The following TNIK variants were observed in gnomAD, a reference collection of about 807,000 sequenced individuals.
TNIK encodes TRAF2 and NCK-interacting protein kinase.
A neutral mutation model predicts 191.3 loss-of-function variants in TNIK; 49 were observed. That is an observed-to-expected ratio of 0.26 (90% CI 0.20 to 0.32). TNIK has a LOEUF of 0.32. Ranked by LOEUF, TNIK falls within the 10% of genes least tolerant of loss-of-function variation. The pLI, the probability that TNIK is intolerant of heterozygous loss-of-function variation, is 1.00. For missense variants in TNIK, 1,155 were observed against 1,702.3 expected, an observed-to-expected ratio of 0.68 and a Z score of 5.66; for synonymous variants, 594 against 600.9, an observed-to-expected ratio of 0.99 and a Z score of 0.17.
chr3:171,087,551 A>C lies in TNIK; in HGVS notation c.2722-45T>G, dbSNP rs188994242. On this transcript the variant is annotated intron_variant, in intron 23 of 32. Coordinates refer to ENST00000436636, the MANE Select transcript of TNIK (RefSeq NM_015028.4). ...GGGAGGAGTTAGAGAGGGGGGAAAA[A>C]GGCCACAGAGTGACATCAGCCCTCA... 5.3e-3 allele frequency: 8,384 copies of C among 1,596,814 alleles called. 41 individuals are homozygous for C. Among genetic ancestry groups the C allele is most frequent in the South Asian group, 9.8e-3 (870 of 89,184 alleles).
At chr3:171,244,610 T>C (rs1030346368) in intron 2 of TNIK, among the ~76,000 whole-genome samples, 2 of 152,076 alleles carry the variant, frequency 1.3e-5, no homozygotes, top group African/African-American at 4.8e-5. Context: ...ATACTATTTC[T>C]ACCATGGCTT....
intron 4 of TNIK, among the ~76,000 whole-genome samples, chr3:171,210,629 C>G (rs1020605404): frequency 1.3e-5 from 2 of 152,180 alleles, no homozygotes; most frequent in African/African-American, 2.4e-5. Context: ...CAGCGATAGA[C>G]AGAGAATCGC....
intron 3 of TNIK, among the ~76,000 whole-genome samples, chr3:171,225,896 A>G (rs1453034938): frequency 3.3e-5 from 5 of 152,172 alleles, no homozygotes; most frequent in Non-Finnish European, 5.9e-5. Flanking sequence ...TCCTTCCACA[A>G]CCATTAATTG....
intron 18 of TNIK, among the ~76,000 whole-genome samples, chr3:171,118,562 A>C (rs1185442433): frequency 6.6e-6 from 1 of 152,166 alleles, no homozygotes; most frequent in Admixed American, 6.5e-5. Context: ...CAGTAACCAA[A>C]ACAGCATGGT....
chr3:171,168,289 C>A (rs927628488), intron 9 of TNIK, among the ~76,000 whole-genome samples: 1 of 152,208 alleles, frequency 6.6e-6, no homozygotes, highest in Non-Finnish European at 1.5e-5. Context: ...TCGGGTCACC[C>A]TTCCTGTCCT....
chr3:171,067,586 T>G (rs553459714), intron 30 of TNIK, among the ~76,000 whole-genome samples: 81 of 149,578 alleles, frequency 5.4e-4, no homozygotes, highest in African/African-American at 2.0e-3. Context: ...AGGAGAATGG[T>G]GTGAACCCAG....
chr3:171,164,673 T>C (rs1248832934), intron 10 of TNIK, among the ~76,000 whole-genome samples: 4 of 152,340 alleles, frequency 2.6e-5, no homozygotes, highest in African/African-American at 4.8e-5. Flanking sequence ...AATGTCCTTT[T>C]GAGAGAAGTT....
rs1047874623 is a variant in TNIK at position 171,369,679 on chromosome 3, C to A, written c.64G>T (p.Ala22Ser). Reference sequence around the variant, plus strand: ...AGTTCCACCAATTCAAAGATCCCTGCGGGGTCCTGAAAGAAAATAAACAAA... The same window carrying A: ...AGTTCCACCAATTCAAAGATCCCTGAGGGGTCCTGAAAGAAAATAAACAAA... ...EIDLSALRDPAGIFELVELVG... is the reference protein window; with the variant it reads ...EIDLSALRDPSGIFELVELVG... Residue 22 changes from alanine to serine, a missense_variant, in exon 2 of 33, where the codon GCA (alanine) becomes TCA (serine). Coordinates refer to ENST00000436636, the MANE Select transcript of TNIK (RefSeq NM_015028.4). 1.3e-6 allele frequency: 2 copies of A among 1,567,756 alleles called. No individual in the cohort carries two copies. Among genetic ancestry groups the A allele is most frequent in the Non-Finnish European group, 1.7e-6 (2 of 1,155,232 alleles).
intron 22 of TNIK, 146 bp downstream of exon 22, chr3:171,101,303 T>C (rs1345381256): frequency 3.7e-6 from 3 of 820,652 alleles, no homozygotes; most frequent in Non-Finnish European, 5.6e-6. Context: ...TATAGAACTA[T>C]GCTCCAACAA....
chr3:171,210,220 A>G (rs1381809465), intron 4 of TNIK, among the ~76,000 whole-genome samples: 1 of 152,228 alleles, frequency 6.6e-6, no homozygotes, highest in African/African-American at 2.4e-5. Flanking sequence ...GTGAAAGAAA[A>G]GTAGATCAAC....
At chr3:171,309,797 G>A (rs1317752927) in intron 2 of TNIK, among the ~76,000 whole-genome samples, 1 of 152,072 alleles carries the variant, frequency 6.6e-6, no homozygotes, top group Non-Finnish European at 1.5e-5. Flanking sequence ...GCAGCTGGGT[G>A]TCTAAAAACT....
intron 2 of TNIK, among the ~76,000 whole-genome samples, chr3:171,244,651 T>C (rs1461819956): frequency 6.6e-6 from 1 of 152,000 alleles, no homozygotes; most frequent in Non-Finnish European, 1.5e-5. Context: ...AAAACTATCA[T>C]GTTTTTGAAC....
intron 1 of TNIK, among the ~76,000 whole-genome samples, chr3:171,459,780 G>A (rs1418807378): frequency 3.3e-5 from 5 of 152,022 alleles, no homozygotes; most frequent in Admixed American, 6.6e-5. Context: ...GCCCTCGGGA[G>A]AGCCTAAGCC....
At chr3:171,359,837 G>A (rs943669445) in intron 2 of TNIK, among the ~76,000 whole-genome samples, 4 of 152,166 alleles carry the variant, frequency 2.6e-5, no homozygotes, top group Non-Finnish European at 5.9e-5. Context: ...AAACCGTGAA[G>A]AGCCCTAAAT....
At chr3:171,395,202 C>T (rs1720065345) in intron 1 of TNIK, among the ~76,000 whole-genome samples, 2 of 152,174 alleles carry the variant, frequency 1.3e-5, no homozygotes, top group Non-Finnish European at 2.9e-5. Context: ...TAATCGTTAA[C>T]AGCAGATTCT....
chr3:171,315,606 G>T (rs531392820), intron 2 of TNIK, among the ~76,000 whole-genome samples: 1 of 152,148 alleles, frequency 6.6e-6, no homozygotes, highest in Non-Finnish European at 1.5e-5. Flanking sequence ...TGAAATCCAG[G>T]TGTCAAGGTG....
At chr3:171,193,356 T>C (rs1738287366) in intron 5 of TNIK, among the ~76,000 whole-genome samples, 2 of 152,214 alleles carry the variant, frequency 1.3e-5, no homozygotes, top group South Asian at 4.1e-4. Flanking sequence ...AATATACCTA[T>C]AGGAATTTTA....
At chr3:171,236,963 A>G (rs1744347535) in intron 2 of TNIK, among the ~76,000 whole-genome samples, 2 of 152,324 alleles carry the variant, frequency 1.3e-5, no homozygotes, top group Non-Finnish European at 2.9e-5. Context: ...AATAATAATA[A>G]AAAGGCAATG....
At chr3:171,419,945 C>A (rs1723551770) in intron 1 of TNIK, among the ~76,000 whole-genome samples, 1 of 152,146 alleles carries the variant, frequency 6.6e-6, no homozygotes, top group African/African-American at 2.4e-5. Flanking sequence ...TGCCACTTAC[C>A]TATAAGCTTG....
Sources: allele counts gnomAD v4.1 joint callset (sites outside exome capture counted in the v4.1 genomes callset), GRCh38; gene constraint gnomAD v4.1.1; transcripts MANE v1.5; gene names NCBI Gene and HGNC (gene_info 2026-07-23, HGNC 2026-07-21).